PHF20: variants seen among roughly 807,000 people sequenced by gnomAD.
The protein encoded by PHF20 is PHD finger protein 20, also known as glioma-expressed antigen 2.
A neutral mutation model predicts 113.5 loss-of-function variants in PHF20; 23 were observed. That is an observed-to-expected ratio of 0.20 (90% CI 0.15 to 0.29). PHF20 has a LOEUF of 0.29. PHF20 is among the 10% of genes least tolerant of loss of function. PHF20 has a pLI of 1.00. For synonymous variants in PHF20, 434 were observed against 457.3 expected, an observed-to-expected ratio of 0.95 and a Z score of 0.65; for missense variants, 943 against 1,219.6, an observed-to-expected ratio of 0.77 and a Z score of 3.38.
intron 15 of PHF20, among the ~76,000 whole-genome samples, chr20:35,932,070 GT>G (rs200679606): frequency 0.24 from 33,470 of 139,022 alleles, 4,041 homozygotes; most frequent in African/African-American, 0.39. Context: ...AGTTCTGAGT[GT>G]TTTTTTTTTT....
chr20:35,940,774 A>G, intron 16 of PHF20, 90 bp from the exon 17 acceptor site: 1 of 1,036,474 alleles, frequency 9.6e-7, no homozygotes. Flanking sequence ...AACTGCAGCT[A>G]GTATTTCAGG....
At chr20:35,859,068 C>A (rs538287531) in intron 5 of PHF20, among the ~76,000 whole-genome samples, 14 of 152,312 alleles carry the variant, frequency 9.2e-5, no homozygotes, top group African/African-American at 3.4e-4. Flanking sequence ...TGTTTTCTGT[C>A]CATCTAGCTC....
rs140721959 is a variant in PHF20 at position 35,802,083 on chromosome 20, T to C, written c.83+478T>C. On this transcript the variant is annotated intron_variant, in intron 2 of 17. Coordinates refer to ENST00000374012, the MANE Select transcript of PHF20 (RefSeq NM_016436.5). ...TGTCAGGGTGATTAGGTTCAGAAGC[T>C]GAGGGGTTATAGTCCCAGCTGTGTC... is the stretch of plus-strand genomic sequence containing the variant. 175 of 153,604 alleles carry C rather than the reference T, an allele frequency of 1.1e-3. 1 individual carries two copies. Among genetic ancestry groups the C allele is most frequent in the Middle Eastern group, 6.8e-3 (2 of 294 alleles). The allele number at this position is 153,604 out of a possible 1,614,324, so 9.5% of individuals were successfully genotyped here. A position where few individuals can be genotyped will look rare whatever the true frequency, so the allele number is the denominator to read the frequency against.
chr20:35,850,978 G>A (rs1362991529), intron 4 of PHF20: 1 of 439,566 alleles, frequency 2.3e-6, no homozygotes, highest in African/African-American at 2.0e-5. Flanking sequence ...ATTTGTAGGA[G>A]AGACAGAGTT....
chr20:35,798,100 T>A (rs959184458), intron 1 of PHF20, among the ~76,000 whole-genome samples: 7 of 152,190 alleles, frequency 4.6e-5, no homozygotes, highest in African/African-American at 1.7e-4. Flanking sequence ...ATAACTTATT[T>A]TTTTCTTCCT....
intron 9 of PHF20, chr20:35,878,649 G>C: frequency 1.3e-6 from 1 of 789,100 alleles, no homozygotes; most frequent in South Asian, 1.3e-5. Context: ...ATCCACATGG[G>C]TGTGGCAGCC....
chr20:35,928,914 A>G (rs2055697498), intron 14 of PHF20, among the ~76,000 whole-genome samples: 1 of 152,160 alleles, frequency 6.6e-6, no homozygotes, highest in South Asian at 2.1e-4. Flanking sequence ...AGTTAGTTCC[A>G]TGGCTATAGG....
intron 9 of PHF20, among the ~76,000 whole-genome samples, chr20:35,897,187 T>C (rs558440009): frequency 5.0e-4 from 76 of 152,082 alleles, no homozygotes; most frequent in African/African-American, 1.8e-3. Flanking sequence ...GCACATGCCA[T>C]CATGCCTGGC....
At chr20:35,896,310 G>A (rs1441340712) in intron 9 of PHF20, among the ~76,000 whole-genome samples, 1 of 152,064 alleles carries the variant, frequency 6.6e-6, no homozygotes, top group African/African-American at 2.4e-5. Flanking sequence ...TGGAGATTGT[G>A]TGATTGTGTT....
chr20:35,930,389 A>G (rs1196933689), intron 14 of PHF20, among the ~76,000 whole-genome samples: 1 of 152,192 alleles, frequency 6.6e-6, no homozygotes, highest in African/African-American at 2.4e-5. Context: ...GTAGTGATGA[A>G]TGCCGTGACG....
At chr20:35,889,586 C>T (rs1434328772) in intron 9 of PHF20, among the ~76,000 whole-genome samples, 2 of 151,960 alleles carry the variant, frequency 1.3e-5, no homozygotes, top group East Asian at 3.9e-4. Context: ...TGGTCTTCAA[C>T]TCCTGACCTC....
At position 35,914,043 on chromosome 20, in the gene PHF20, C is replaced by T; in HGVS notation, c.1671C>T (p.Cys557=). The T allele has an allele frequency of 1.9e-6, 3 of 1,614,096 alleles. No individual in the cohort carries two copies. Among genetic ancestry groups the T allele is most frequent in the Non-Finnish European group, 2.5e-6 (3 of 1,179,970 alleles). Residue 557 remains cysteine (C), a synonymous_variant, in exon 12 of 18, where the codon TGC becomes TGT. Transcript: ENST00000374012. ...ATCCTGTTCTTCCAGAATGCCCCTG[C>T]AGTGAGGAGATCAGTGACACCTCCC... is the stretch of plus-strand genomic sequence containing the variant. ...KKKKTKPECP[C]SEEISDTSQE...
intron 1 of PHF20, among the ~76,000 whole-genome samples, chr20:35,798,782 G>A (rs1448818359): frequency 6.6e-6 from 1 of 151,278 alleles, no homozygotes; most frequent in Non-Finnish European, 1.5e-5. Flanking sequence ...TTTTTAAAGA[G>A]ACAGGTTCTT....
In PHF20 at chr20:35,787,916, T is replaced by C. The variant is rs141809441; in HGVS notation, c.-32-13575T>C. ...CCTCAGCCTCCCTGGTAGCTGGGAT[T>C]ACAGGCCCTTGGCACCACACCCGGC... On this transcript the variant is annotated intron_variant, in intron 1 of 17. Coordinates refer to ENST00000374012, the MANE Select transcript of PHF20 (RefSeq NM_016436.5). Among the ~76,000 whole-genome samples the C allele has an allele frequency of 7.9e-5, 12 of 151,780 alleles. No homozygotes were observed. In the East Asian group the frequency reaches 9.7e-4, roughly 12 times the overall value.
At position 35,917,668 on chromosome 20, in the gene PHF20, C is replaced by G. The variant is rs181774308; in HGVS notation, c.2004+6C>G. 2.4e-5 allele frequency: 38 copies of G among 1,610,368 alleles called. No homozygotes were observed. Among genetic ancestry groups the G allele is most frequent in the Non-Finnish European group, 8.5e-7 (1 of 1,178,154 alleles). On this transcript the variant is annotated splice_donor_region_variant and intron_variant, in intron 13 of 17. Coordinates refer to ENST00000374012, the MANE Select transcript of PHF20 (RefSeq NM_016436.5). The stretch of plus-strand genomic sequence containing the variant: ...AAAATGACTTCATGATTCAGGTAGG[C>G]AGAGCTTCCAGGAAACAGGTCTAGA...
At chr20:35,908,623 A>G (rs1189781752) in intron 10 of PHF20, among the ~76,000 whole-genome samples, 1 of 152,144 alleles carries the variant, frequency 6.6e-6, no homozygotes, top group Non-Finnish European at 1.5e-5. Context: ...GTGTGGGTGA[A>G]GGTACAACAG....
At chr20:35,913,918 G>T in intron 11 of PHF20, 115 bp from the exon 12 acceptor site, 1 of 991,100 alleles carries the variant, frequency 1.0e-6, no homozygotes, top group Non-Finnish European at 1.5e-6. Context: ...TGGTTGAATT[G>T]TCCCTGAGCC....
intron 9 of PHF20, among the ~76,000 whole-genome samples, chr20:35,876,137 A>G (rs538311523): frequency 1.2e-4 from 18 of 152,132 alleles, no homozygotes; most frequent in African/African-American, 3.9e-4. Context: ...GCACTTATCT[A>G]TTTTCCAAGA....
rs547659400 is a variant in PHF20 at position 35,837,222 on chromosome 20, A to C, written c.84-5351A>C. ...AAAAACAAAAAAAACACAAAACCCC[A>C]AAAAGTACTTATTTTTTACTTATAC... On this transcript the variant is annotated intron_variant, in intron 2 of 17. Coordinates refer to ENST00000374012, the MANE Select transcript of PHF20 (RefSeq NM_016436.5). Among the ~76,000 whole-genome samples the C allele has an allele frequency of 7.2e-5, 11 of 152,284 alleles. No individual in the cohort carries two copies. In the South Asian group the frequency reaches 2.3e-3, roughly 32 times the overall value.
Sources: gnomAD v4.1 joint callset for allele counts (sites outside exome capture counted in the v4.1 genomes callset) on GRCh38, gnomAD v4.1.1 for gene constraint, MANE v1.5 for transcripts, NCBI Gene and HGNC (gene_info 2026-07-23, HGNC 2026-07-21) for gene names.